ARHGEF4: variants seen among roughly 807,000 people sequenced by gnomAD.
ARHGEF4 encodes the protein Rho guanine nucleotide exchange factor 4, also known as APC-stimulated guanine nucleotide exchange factor 1.
ARHGEF4 carries 119 observed loss-of-function variants against 162.0 expected under a neutral mutation model. The ratio of observed to expected loss-of-function variants is 0.73; its 90% CI spans 0.63 to 0.86. The LOEUF is 0.86. ARHGEF4 is among the 40% of genes least tolerant of loss of function. The pLI is 0.00. For synonymous variants in ARHGEF4, 1,014 were observed against 979.9 expected, an observed-to-expected ratio of 1.03 and a Z score of -0.65; for missense variants, 2,488 against 2,456.0, an observed-to-expected ratio of 1.01 and a Z score of -0.28.
chr2:130,916,571 G>A lies in ARHGEF4; in HGVS notation c.2625G>A (p.Gly875=), dbSNP rs1285375672. ...GDRTAGPAGA[G]HTGTSGDLGS... ...GGACTGCAGGGCCGGCAGGAGCGGG[G>A]CACACGGGGACCTCAGGGGATCTTG... The change falls in exon 2 of 14, where the codon GGG becomes GGA. Residue 875 remains glycine (G), a synonymous_variant. Transcript: ENST00000409359. 1 of 1,550,442 alleles carries A rather than the reference G, an allele frequency of 6.4e-7. No individual in the cohort carries two copies. The highest frequency in any genetic ancestry group is 8.7e-7 in the Non-Finnish European group (1 of 1,146,946).
Position 130,916,898 on chromosome 2 carries a change from C to G in ARHGEF4, c.2952C>G (p.Thr984=). 3.9e-6 allele frequency: 6 copies of G among 1,550,370 alleles called. No individual in the cohort carries two copies. Among genetic ancestry groups the G allele is most frequent in the Non-Finnish European group, 4.4e-6 (5 of 1,146,986 alleles). Residue 984 remains threonine, a synonymous_variant, in exon 2 of 14, where the codon ACC becomes ACG. Transcript: ENST00000409359. ...LGPEVLSPAE[T]DSHCEERAED... ...CCGAAGTTCTCTCCCCAGCAGAGAC[C>G]GACAGCCACTGTGAGGAACGGGCGG...
chr2:130,885,852 G>A (rs902429103), intron 1 of ARHGEF4, among the ~76,000 whole-genome samples: 12 of 151,902 alleles, frequency 7.9e-5, no homozygotes, highest in Admixed American at 7.2e-4. Context: ...CTACAGGTGT[G>A]AGCCACCATG....
intron 1 of ARHGEF4, among the ~76,000 whole-genome samples, chr2:130,849,441 T>C (rs1681239660): frequency 6.6e-6 from 1 of 152,114 alleles, no homozygotes; most frequent in South Asian, 2.1e-4. Flanking sequence ...TGGCAGCCAT[T>C]TTGCTCCTGG....
At chr2:130,999,012 A>G (rs993194483) in intron 4 of ARHGEF4, among the ~76,000 whole-genome samples, 1 of 152,186 alleles carries the variant, frequency 6.6e-6, no homozygotes, top group Non-Finnish European at 1.5e-5. Context: ...CCATTCTAAT[A>G]GATGTGTAGT....
intron 4 of ARHGEF4, among the ~76,000 whole-genome samples, chr2:130,980,405 T>A (rs948511522): frequency 1.2e-4 from 16 of 134,394 alleles, no homozygotes; most frequent in African/African-American, 3.3e-4. Context: ...AAAAAAAAAA[T>A]TATAAGTCCT....
chr2:131,043,118 T>C (rs972421075), intron 10 of ARHGEF4, among the ~76,000 whole-genome samples: 1 of 141,058 alleles, frequency 7.1e-6, no homozygotes, highest in African/African-American at 2.9e-5. Context: ...TGATCAACTA[T>C]CATTAATGAA....
At chr2:131,004,897 T>C (rs1419848775) in intron 4 of ARHGEF4, among the ~76,000 whole-genome samples, 1 of 152,106 alleles carries the variant, frequency 6.6e-6, no homozygotes, top group Non-Finnish European at 1.5e-5. Flanking sequence ...GCAACCCCAT[T>C]CCCTCCTCCA....
At chr2:131,035,682 G>A in intron 5 of ARHGEF4, 1 of 986,520 alleles carries the variant, frequency 1.0e-6, no homozygotes, top group Non-Finnish European at 1.2e-6. Flanking sequence ...CATGTTACCT[G>A]CAGTTGTTTT....
chr2:130,852,930 C>T (rs1032929337), intron 1 of ARHGEF4, among the ~76,000 whole-genome samples: 1 of 152,188 alleles, frequency 6.6e-6, no homozygotes, highest in Non-Finnish European at 1.5e-5. Flanking sequence ...CAGCCGGCTG[C>T]CCCATCTGGA....
Position 131,039,506 on chromosome 2 carries a change from C to T in ARHGEF4, c.4305+474C>T, listed in dbSNP as rs900555001. On this transcript the variant is annotated intron_variant, in intron 6 of 13. Transcript: ENST00000409359. ...AGTCTTCAAGGAAGGAATCCAGGTG[C>T]AGTCTCCAAAAGGCCTGGCTCAGGG... 6.8e-6 allele frequency: 7 copies of T among 1,024,628 alleles called. No individual in the cohort carries two copies. The East Asian group carries it at 7.1e-4, about 104-fold the overall frequency. 63.5% of individuals were successfully genotyped at this position (1,024,628 alleles called of 1,614,324 possible).
chr2:131,045,851 CA>C, intron 13 of ARHGEF4, 186 bp from the exon 14 acceptor site: 1 of 1,467,854 alleles, frequency 6.8e-7, no homozygotes, highest in Non-Finnish European at 9.0e-7. Flanking sequence ...AGGCCCAGGC[CA>C]GAGACCCCAG....
At chr2:131,034,594 C>T (rs1196967831) in intron 5 of ARHGEF4, among the ~76,000 whole-genome samples, 1 of 152,242 alleles carries the variant, frequency 6.6e-6, no homozygotes, top group African/African-American at 2.4e-5. Context: ...CACGTTTACT[C>T]ATCTGTGAAG....
intron 1 of ARHGEF4, among the ~76,000 whole-genome samples, chr2:130,885,864 C>T (rs569812891): frequency 7.2e-5 from 11 of 152,076 alleles, no homozygotes; most frequent in South Asian, 2.1e-4. Context: ...GCCACCATGC[C>T]CGGCCTTTTC....
intron 5 of ARHGEF4, among the ~76,000 whole-genome samples, chr2:131,038,025 T>C (rs1269195059): frequency 6.6e-6 from 1 of 152,118 alleles, no homozygotes; most frequent in East Asian, 1.9e-4. Flanking sequence ...CAGCTGGTGC[T>C]GGCATCTCTG....
intron 1 of ARHGEF4, among the ~76,000 whole-genome samples, chr2:130,855,578 G>A (rs752522872): frequency 1.1e-4 from 16 of 152,074 alleles, no homozygotes; most frequent in African/African-American, 9.7e-5. Flanking sequence ...CTGAGCCTTG[G>A]TGCCCAGGTT....
At chr2:130,993,771 T>C (rs1182410221) in intron 4 of ARHGEF4, among the ~76,000 whole-genome samples, 6 of 152,140 alleles carry the variant, frequency 3.9e-5, no homozygotes, top group Admixed American at 3.9e-4. Flanking sequence ...TTTGGTTCTT[T>C]TATTTTTTAA....
At chr2:130,987,898 G>T (rs1686629770) in intron 4 of ARHGEF4, among the ~76,000 whole-genome samples, 1 of 152,138 alleles carries the variant, frequency 6.6e-6, no homozygotes, top group African/African-American at 2.4e-5. Flanking sequence ...GTACTGTAAG[G>T]GAAGCTGGGC....
chr2:130,870,688 G>C (rs1235269356), intron 1 of ARHGEF4, among the ~76,000 whole-genome samples: 1 of 150,968 alleles, frequency 6.6e-6, no homozygotes, highest in Non-Finnish European at 1.5e-5. Flanking sequence ...ACTCACTTTG[G>C]GGGTGCTCCT....
Position 130,917,371 on chromosome 2 carries a change from A to G in ARHGEF4, c.3425A>G (p.Gln1142Arg). 2 of 1,550,646 alleles carry G rather than the reference A, an allele frequency of 1.3e-6. No homozygotes were observed. Among genetic ancestry groups the G allele is most frequent in the Non-Finnish European group, 1.7e-6 (2 of 1,147,002 alleles). Residue 1142 changes from glutamine (Q) to arginine (R), a missense_variant, in exon 2 of 14, where the codon CAG becomes CGG. Physicochemically the swap from Gln to Arg is conservative, Grantham distance 43. This residue lies in a region of ARHGEF4 where 1,642 missense variants were observed against 1,481.5 expected (regional missense o/e 1.11). Transcript: ENST00000409359. ...GAAAGACCCAAGATTCCCAAGGGCCAGACCAGTTTCCTGCTTTCTCTGCAG... is the reference window on the plus strand; with the variant it reads ...GAAAGACCCAAGATTCCCAAGGGCCGGACCAGTTTCCTGCTTTCTCTGCAG... ...DPERPKIPKG[Q>R]TSFLLSLQTL... is the part of the protein sequence containing the mutation.
Sources: gnomAD v4.1 joint callset for allele counts (sites outside exome capture counted in the v4.1 genomes callset) on GRCh38, gnomAD v4.1.1 for gene constraint, gnomAD v4.1.1 regional missense constraint, MANE v1.5 for transcripts, NCBI Gene and HGNC (gene_info 2026-07-23, HGNC 2026-07-21) for gene names.